CHRM3: variants seen among roughly 807,000 people sequenced by gnomAD.
CHRM3 encodes cholinergic receptor muscarinic 3, also known as muscarinic acetylcholine receptor M3.
In CHRM3, 11 loss-of-function variants were observed where a neutral mutation model predicts 41.8. The observed-to-expected ratio is 0.26, with a 90% CI of 0.17 to 0.44. The LOEUF (loss-of-function observed/expected upper bound fraction) is 0.44. Among genes scored for constraint, CHRM3 ranks in the 20% least tolerant of loss-of-function variants. CHRM3 has a pLI of 1.00. For missense variants in CHRM3, 571 were observed against 745.4 expected (o/e 0.77, Z 2.72); for synonymous variants, 297 against 301.4 (o/e 0.99, Z 0.15).
intron 5 of CHRM3, among the ~76,000 whole-genome samples, chr1:239,703,008 T>C (rs1405423981): frequency 1.3e-5 from 2 of 152,212 alleles, no homozygotes; most frequent in African/African-American, 4.8e-5. Flanking sequence ...TCAGATATTG[T>C]TAAAATTAAT....
At chr1:239,400,048 A>T (rs955185512) in intron 1 of CHRM3, among the ~76,000 whole-genome samples, 3 of 152,064 alleles carry the variant, frequency 2.0e-5, no homozygotes, top group African/African-American at 7.2e-5. Flanking sequence ...AGTAGCTGGG[A>T]TTACAGGTGC....
chr1:239,816,328 C>T lies in CHRM3; in HGVS notation c.-146-10924C>T, dbSNP rs191289840. ...ATACAGTCTTGCTTCACTACTCCACCGGTGTTGCTCCTTTTTTTGTTCCTT... is the reference window on the plus strand; with the variant it reads ...ATACAGTCTTGCTTCACTACTCCACTGGTGTTGCTCCTTTTTTTGTTCCTT... On this transcript the variant is annotated intron_variant, in intron 5 of 6. Transcript: ENST00000676153. Among the ~76,000 whole-genome samples the T allele has an allele frequency of 6.0e-4, 92 of 152,320 alleles. No homozygotes were observed. The South Asian group carries it at 6.6e-3, about 11-fold the overall frequency.
chr1:239,893,195 T>C (rs1424762078), intron 6 of CHRM3, among the ~76,000 whole-genome samples: 19 of 152,132 alleles, frequency 1.2e-4, no homozygotes, highest in Non-Finnish European at 2.9e-5. Flanking sequence ...ACACAGTGAG[T>C]GTTTAAAAAT....
chr1:239,559,112 G>C (rs922525364), intron 3 of CHRM3, among the ~76,000 whole-genome samples: 21 of 152,050 alleles, frequency 1.4e-4, no homozygotes, highest in African/African-American at 4.1e-4. Flanking sequence ...CAAATGTTTT[G>C]CACAACAGCC....
intron 1 of CHRM3, among the ~76,000 whole-genome samples, chr1:239,440,746 T>C (rs1427861054): frequency 1.3e-5 from 2 of 152,242 alleles, no homozygotes; most frequent in Admixed American, 1.3e-4. Flanking sequence ...GTCTGAGTGC[T>C]CTGTTGTTCT....
At position 239,479,327 on chromosome 1, in the gene CHRM3, A is replaced by T. The variant is rs529750887; in HGVS notation, c.-520-13382A>T. ...AACCACACTGTATGCGTTATAGTCGAAATGCTATAACCAAAGATGAGAAGA... is the reference window on the plus strand; with the variant it reads ...AACCACACTGTATGCGTTATAGTCGTAATGCTATAACCAAAGATGAGAAGA... On this transcript the variant is annotated intron_variant, in intron 1 of 6. Coordinates refer to ENST00000676153, the MANE Select transcript of CHRM3 (RefSeq NM_001375978.1). Among the ~76,000 whole-genome samples the T allele has an allele frequency of 2.6e-5, 4 of 152,286 alleles. No individual in the cohort carries two copies. In the South Asian group the frequency reaches 8.3e-4, roughly 32 times the overall value.
intron 4 of CHRM3, among the ~76,000 whole-genome samples, chr1:239,656,740 A>T (rs1402523720): frequency 6.6e-6 from 1 of 152,168 alleles, no homozygotes; most frequent in Admixed American, 6.6e-5. Context: ...GGTAATGAAA[A>T]TATTACTTAT....
intron 4 of CHRM3, among the ~76,000 whole-genome samples, chr1:239,653,441 G>T (rs2148977897): frequency 6.6e-6 from 1 of 152,244 alleles, no homozygotes; most frequent in East Asian, 1.9e-4. Context: ...CAAGGTAGGG[G>T]CCTGGTGGGA....
chr1:239,767,112 C>T (rs1667290396), intron 5 of CHRM3, among the ~76,000 whole-genome samples: 1 of 152,124 alleles, frequency 6.6e-6, no homozygotes, highest in Non-Finnish European at 1.5e-5. Flanking sequence ...TTCACCTCTT[C>T]CCCAATTGAA....
chr1:239,696,055 A>C (rs1228186109), intron 5 of CHRM3, among the ~76,000 whole-genome samples: 2 of 152,208 alleles, frequency 1.3e-5, no homozygotes, highest in African/African-American at 4.8e-5. Context: ...TACAATACAG[A>C]GAACATGTAA....
chr1:239,486,581 C>T (rs1162749931), intron 1 of CHRM3, among the ~76,000 whole-genome samples: 1 of 152,234 alleles, frequency 6.6e-6, no homozygotes, highest in Non-Finnish European at 1.5e-5. Context: ...CATATGACCT[C>T]TCTTGCAACT....
At chr1:239,788,852 T>C (rs1669117177) in intron 5 of CHRM3, among the ~76,000 whole-genome samples, 1 of 152,200 alleles carries the variant, frequency 6.6e-6, no homozygotes, top group East Asian at 1.9e-4. Flanking sequence ...AAATGAAATT[T>C]TCATTCAATT....
At chr1:239,389,664 C>T (rs889998467) in intron 1 of CHRM3, among the ~76,000 whole-genome samples, 4 of 152,102 alleles carry the variant, frequency 2.6e-5, no homozygotes, top group Non-Finnish European at 5.9e-5. Flanking sequence ...GAAAGTTAAA[C>T]GATATGGTTA....
chr1:239,632,121 C>T (rs961142695), intron 3 of CHRM3, 103 bp from the exon 4 acceptor site: 1 of 152,084 alleles, frequency 6.6e-6, no homozygotes, highest in Non-Finnish European at 1.5e-5. Flanking sequence ...ATTTTTTTTC[C>T]ATTGCCTCTA....
intron 6 of CHRM3, among the ~76,000 whole-genome samples, chr1:239,831,410 C>G (rs939249272): frequency 6.6e-6 from 1 of 152,154 alleles, no homozygotes; most frequent in Non-Finnish European, 1.5e-5. Context: ...CCAATGCCCT[C>G]TTGATCGATT....
intron 2 of CHRM3, among the ~76,000 whole-genome samples, chr1:239,534,375 A>G (rs966225246): frequency 3.7e-4 from 57 of 152,298 alleles, no homozygotes; most frequent in African/African-American, 1.3e-3. Flanking sequence ...ACATATACAT[A>G]TTTAATTTTC....
At chr1:239,482,525 TCTC>T (rs1188729988) in intron 1 of CHRM3, among the ~76,000 whole-genome samples, 6 of 152,306 alleles carry the variant, frequency 3.9e-5, no homozygotes, top group Admixed American at 6.5e-5. Flanking sequence ...TCACTACTCT[TCTC>T]CTCACTGTCA....
chr1:239,747,509 T>G (rs1390114411), intron 5 of CHRM3, among the ~76,000 whole-genome samples: 1 of 152,138 alleles, frequency 6.6e-6, no homozygotes, highest in East Asian at 1.9e-4. Context: ...GAATGAGAGA[T>G]TTTACTAATG....
chr1:239,886,824 G>T (rs976600350), intron 6 of CHRM3, among the ~76,000 whole-genome samples: 1 of 152,150 alleles, frequency 6.6e-6, no homozygotes, highest in Non-Finnish European at 1.5e-5. Flanking sequence ...GCATTACCGG[G>T]TTTCTCTGTG....
Sources: gnomAD v4.1 joint callset for allele counts (sites outside exome capture counted in the v4.1 genomes callset) on GRCh38, gnomAD v4.1.1 for gene constraint, MANE v1.5 for transcripts, NCBI Gene and HGNC (gene_info 2026-07-23, HGNC 2026-07-21) for gene names.